MCU: variants seen among roughly 807,000 people sequenced by gnomAD.
MCU encodes the protein mitochondrial calcium uniporter.
In MCU, 12 loss-of-function variants were observed where a neutral mutation model predicts 45.2. The observed-to-expected ratio is 0.27, with a 90% CI of 0.17 to 0.43. MCU has a LOEUF of 0.43. Ranked by LOEUF, MCU falls within the 20% of genes least tolerant of loss-of-function variation. The pLI is 1.00. For missense variants in MCU, 324 were observed against 436.7 expected (o/e 0.74, Z 2.30); for synonymous variants, 160 against 165.1 (o/e 0.97, Z 0.24).
At chr10:72,799,319 A>T (rs893526834) in intron 1 of MCU, among the ~76,000 whole-genome samples, 13 of 152,258 alleles carry the variant, frequency 8.5e-5, no homozygotes, top group African/African-American at 3.1e-4. Context: ...ATAGTATTAC[A>T]GTGAACATTC....
rs142833434 is a variant in MCU, at chr10:72,875,874, AC to A, written c.861+4296del. ...AGCGTGCAGGTGGACCAGCCGTCCC[AC>A]CATCTGGCCCATGCCTTTTCAATGA... On this transcript the variant is annotated intron_variant, in intron 6 of 7. Coordinates refer to ENST00000373053, the MANE Select transcript of MCU (RefSeq NM_138357.3). Among the ~76,000 whole-genome samples the A allele has an allele frequency of 1.1e-3, 169 of 152,330 alleles. 1 individual carries two copies. The highest frequency in any genetic ancestry group is 3.9e-3 in the African/African-American group (162 of 41,576).
chr10:72,830,172 G>A (rs1844858532), intron 1 of MCU, among the ~76,000 whole-genome samples: 3 of 152,202 alleles, frequency 2.0e-5, no homozygotes, highest in Admixed American at 1.3e-4. Context: ...TGATGTGAAA[G>A]TAGTTGAGTG....
intron 1 of MCU, among the ~76,000 whole-genome samples, chr10:72,804,938 A>AT (rs1165076079): frequency 6.6e-6 from 1 of 151,838 alleles, no homozygotes; most frequent in Admixed American, 6.6e-5. Flanking sequence ...GGCCTGGCTA[A>AT]TTTTTTATTT....
intron 1 of MCU, among the ~76,000 whole-genome samples, chr10:72,728,905 G>A (rs971343352): frequency 6.6e-6 from 1 of 152,110 alleles, no homozygotes; most frequent in Non-Finnish European, 1.5e-5. Flanking sequence ...ATAGCATGAG[G>A]GATCTAGCAA....
intron 1 of MCU, among the ~76,000 whole-genome samples, chr10:72,787,147 T>C (rs1323095670): frequency 1.3e-5 from 2 of 152,262 alleles, no homozygotes; most frequent in African/African-American, 4.8e-5. Context: ...CAAAATAACA[T>C]GTCCTTCTAA....
At chr10:72,868,950 C>T in intron 5 of MCU, 87 bp downstream of exon 5, 1 of 1,338,566 alleles carries the variant, frequency 7.5e-7, no homozygotes, top group Non-Finnish European at 1.0e-6. Context: ...AAGTTTTATG[C>T]AATTGAGTCA....
rs966874155 is a variant in MCU, at chr10:72,779,846, A to T, written c.151-54513A>T. The stretch of plus-strand genomic sequence containing the variant: ...TGCTGTTGGGATTGTAAAATGGTAC[A>T]GCTACTTAGGAAAATAGTTTGTCTG... On this transcript the variant is annotated intron_variant, in intron 1 of 7. Coordinates refer to ENST00000373053, the MANE Select transcript of MCU (RefSeq NM_138357.3). Among the ~76,000 whole-genome samples the T allele has an allele frequency of 9.2e-5, 14 of 152,230 alleles. No homozygotes were observed. The South Asian group carries it at 1.4e-3, about 16-fold the overall frequency.
chr10:72,705,225 G>T (rs573225501), intron 1 of MCU, among the ~76,000 whole-genome samples: 1 of 152,106 alleles, frequency 6.6e-6, no homozygotes, highest in South Asian at 2.1e-4. Context: ...GCATGTGCAG[G>T]TTTGTTATAT....
intron 5 of MCU, among the ~76,000 whole-genome samples, chr10:72,871,157 A>G (rs7919802): frequency 9.9e-5 from 15 of 152,152 alleles, no homozygotes; most frequent in African/African-American, 3.6e-4. Flanking sequence ...GCCTTGGCCT[A>G]CCAAAATGCT....
At chr10:72,860,287 A>G (rs1845356280) in intron 3 of MCU, 136 bp from the exon 4 acceptor site, 2 of 675,518 alleles carry the variant, frequency 3.0e-6, no homozygotes, top group Non-Finnish European at 5.0e-6. Flanking sequence ...TTGTTTGCAT[A>G]GGAAATGAGG....
At chr10:72,846,266 C>G (rs544634520) in intron 2 of MCU, among the ~76,000 whole-genome samples, 1 of 152,342 alleles carries the variant, frequency 6.6e-6, no homozygotes, top group South Asian at 2.1e-4. Flanking sequence ...TGGTCTCAAA[C>G]TCCTGCCCTC....
chr10:72,793,566 G>A lies in MCU; in HGVS notation c.151-40793G>A, dbSNP rs186597373. Among the ~76,000 whole-genome samples the A allele has an allele frequency of 1.7e-3, 264 of 152,016 alleles. 3 individuals carry two copies. The highest frequency in any genetic ancestry group is 6.0e-3 in the African/African-American group (247 of 41,456). On this transcript the variant is annotated intron_variant, in intron 1 of 7. Coordinates refer to ENST00000373053, the MANE Select transcript of MCU (RefSeq NM_138357.3). ...TATTATTATCTCTTAATAGTGTTGG[G>A]GGTTGACTGGGCCCAGCAAGGTGGT... is the stretch of plus-strand genomic sequence containing the variant.
chr10:72,839,200 C>G (rs531753190), intron 2 of MCU, among the ~76,000 whole-genome samples: 216 of 152,074 alleles, frequency 1.4e-3, no homozygotes, highest in Non-Finnish European at 2.6e-3. Flanking sequence ...ATGTTGGCCA[C>G]GCTGGTCTCG....
intron 1 of MCU, among the ~76,000 whole-genome samples, chr10:72,744,426 A>G (rs1029716228): frequency 9.9e-5 from 15 of 152,184 alleles, no homozygotes; most frequent in Admixed American, 5.9e-4. Context: ...CTCACTGGCC[A>G]TAGCTTTGGA....
At chr10:72,775,412 A>G (rs1843876205) in intron 1 of MCU, among the ~76,000 whole-genome samples, 2 of 152,186 alleles carry the variant, frequency 1.3e-5, no homozygotes, top group Non-Finnish European at 2.9e-5. Flanking sequence ...AGGGAAGTTT[A>G]TGATGATAAA....
At chr10:72,732,240 T>C (rs978010061) in intron 1 of MCU, among the ~76,000 whole-genome samples, 8 of 152,254 alleles carry the variant, frequency 5.3e-5, no homozygotes, top group East Asian at 1.9e-4. Flanking sequence ...TTCAGCACTT[T>C]AGCCCATTTT....
intron 1 of MCU, among the ~76,000 whole-genome samples, chr10:72,773,133 G>A (rs533589922): frequency 1.6e-4 from 24 of 152,248 alleles, no homozygotes; most frequent in African/African-American, 5.8e-4. Context: ...CTGGGCTCAA[G>A]TGTTCCTCCT....
At chr10:72,710,256 G>A (rs1226066698) in intron 1 of MCU, among the ~76,000 whole-genome samples, 3 of 152,188 alleles carry the variant, frequency 2.0e-5, no homozygotes, top group Non-Finnish European at 4.4e-5. Context: ...GATTACAGGT[G>A]TGAGCTATAG....
chr10:72,874,122 C>T (rs976837601), intron 6 of MCU, among the ~76,000 whole-genome samples: 3 of 152,072 alleles, frequency 2.0e-5, no homozygotes, highest in Admixed American at 6.5e-5. Flanking sequence ...AATTTTTTTC[C>T]TATTTCTGTG....
Sources: allele counts gnomAD v4.1 joint callset (sites outside exome capture counted in the v4.1 genomes callset), GRCh38; gene constraint gnomAD v4.1.1; transcripts MANE v1.5; gene names NCBI Gene and HGNC (gene_info 2026-07-23, HGNC 2026-07-21).